The following PDE4D variants were observed in gnomAD, a reference collection of about 807,000 sequenced individuals.
PDE4D encodes 3',5'-cyclic-AMP phosphodiesterase 4D.
In PDE4D, 24 loss-of-function variants were observed where a neutral mutation model predicts 87.4. The ratio of observed to expected loss-of-function variants is 0.27; its 90% CI spans 0.20 to 0.39. The LOEUF (loss-of-function observed/expected upper bound fraction) is 0.39, where lower values mean the gene tolerates loss of function less well. Ranked by LOEUF, PDE4D falls within the 10% of genes least tolerant of loss-of-function variation. The pLI, the probability that PDE4D is intolerant of heterozygous loss-of-function variation, is 1.00. For missense variants in PDE4D, 714 were observed against 1,041.0 expected (o/e 0.69, Z 4.32); for synonymous variants, 384 against 383.2 (o/e 1.00, Z -0.02).
intron 2 of PDE4D, among the ~76,000 whole-genome samples, chr5:60,153,015 G>A (rs955560110): frequency 2.0e-5 from 3 of 152,138 alleles, no homozygotes; most frequent in African/African-American, 4.8e-5. Context: ...CAACAAAAGT[G>A]AAACTAGACA....
chr5:60,109,553 C>T (rs1017355069), intron 2 of PDE4D, among the ~76,000 whole-genome samples: 19 of 151,766 alleles, frequency 1.3e-4, no homozygotes, highest in Non-Finnish European at 2.2e-4. Context: ...TATAAAGACA[C>T]ATGCACACGT....
At position 59,134,751 on chromosome 5, in the gene PDE4D, A is replaced by G. The variant is rs546670100; in HGVS notation, c.808+45844T>C. ...AGCTCTGATTCATTCCACATTATATATATGACCCTTTCTCATAGTGAGGGT... is the reference window on the plus strand; with the variant it reads ...AGCTCTGATTCATTCCACATTATATGTATGACCCTTTCTCATAGTGAGGGT... On this transcript the variant is annotated intron_variant, in intron 5 of 14. Coordinates refer to ENST00000340635, the MANE Select transcript of PDE4D (RefSeq NM_001104631.2). 2.6e-5 allele frequency among the ~76,000 whole-genome samples: 4 copies of G among 152,292 alleles called. No individual in the cohort carries two copies. In the East Asian group the frequency reaches 5.8e-4, roughly 22 times the overall value.
intron 1 of PDE4D, among the ~76,000 whole-genome samples, chr5:59,783,470 G>A (rs1320900474): frequency 1.3e-5 from 2 of 152,186 alleles, no homozygotes; most frequent in Non-Finnish European, 2.9e-5. Flanking sequence ...CTGTGAGGAA[G>A]CACAGTCCCT....
intron 1 of PDE4D, among the ~76,000 whole-genome samples, chr5:59,591,786 C>T (rs1348142166): frequency 1.3e-5 from 2 of 152,044 alleles, no homozygotes; most frequent in Non-Finnish European, 2.9e-5. Context: ...CATACAAAAA[C>T]TTCTATGTAC....
intron 1 of PDE4D, among the ~76,000 whole-genome samples, chr5:59,742,253 G>A (rs1319834077): frequency 2.6e-5 from 4 of 152,062 alleles, no homozygotes; most frequent in Non-Finnish European, 5.9e-5. Flanking sequence ...TAGTAGAGAC[G>A]GGGTTTCACC....
intron 1 of PDE4D, among the ~76,000 whole-genome samples, chr5:59,369,313 A>G (rs970215352): frequency 4.6e-5 from 7 of 152,114 alleles, no homozygotes; most frequent in African/African-American, 7.2e-5. Context: ...TCCCAACTGT[A>G]TCTCCATCCC....
chr5:59,835,198 T>C (rs1741832324), intron 1 of PDE4D, among the ~76,000 whole-genome samples: 1 of 152,076 alleles, frequency 6.6e-6, no homozygotes, highest in South Asian at 2.1e-4. Flanking sequence ...TGATCTTTAA[T>C]TTCCTTATTT....
chr5:59,697,977 C>T, intron 1 of PDE4D, among the ~76,000 whole-genome samples: 1 of 152,102 alleles, frequency 6.6e-6, no homozygotes, highest in African/African-American at 2.4e-5. Context: ...GCATTGTGAA[C>T]ATGAAAATGA....
intron 1 of PDE4D, among the ~76,000 whole-genome samples, chr5:59,565,993 G>A (rs996426818): frequency 1.1e-4 from 16 of 152,130 alleles, no homozygotes; most frequent in African/African-American, 3.6e-4. Context: ...AAAAAGAAAT[G>A]TGAAAATAAA....
At chr5:59,049,348 G>A (rs1010168903) in intron 5 of PDE4D, among the ~76,000 whole-genome samples, 11 of 152,124 alleles carry the variant, frequency 7.2e-5, no homozygotes, top group African/African-American at 2.7e-4. Flanking sequence ...TACTGGCCTG[G>A]GTGTGGCTTC....
At chr5:60,204,176 G>C (rs1742238286) in intron 1 of PDE4D, among the ~76,000 whole-genome samples, 1 of 152,012 alleles carries the variant, frequency 6.6e-6, no homozygotes, top group African/African-American at 2.4e-5. Context: ...TCTTTTATCT[G>C]TCTGTCTGTC....
chr5:60,143,289 C>T (rs1780697080), intron 2 of PDE4D, among the ~76,000 whole-genome samples: 1 of 152,192 alleles, frequency 6.6e-6, no homozygotes, highest in African/African-American at 2.4e-5. Context: ...GTGCAACATG[C>T]TTCACATTAC....
In PDE4D at chr5:59,173,029, G is replaced by A. The variant is rs954665273; in HGVS notation, c.808+7566C>T. 9 of 152,232 alleles carry A rather than the reference G, an allele frequency of 5.9e-5. 1 individual carries two copies. The highest frequency in any genetic ancestry group is 5.9e-4 in the Admixed American group (9 of 15,274). 9.4% of individuals were successfully genotyped at this position (152,232 alleles called of 1,614,324 possible). On this transcript the variant is annotated intron_variant, in intron 5 of 14. Coordinates refer to ENST00000340635, the MANE Select transcript of PDE4D (RefSeq NM_001104631.2). Reference sequence around the variant, plus strand: ...TACCCCCAAAACTTGGAGAATTTAAGTACATTGACCAAAATTAGACAACTA... The same window carrying A: ...TACCCCCAAAACTTGGAGAATTTAAATACATTGACCAAAATTAGACAACTA...
chr5:60,312,786 C>T (rs1283695704), intron 1 of PDE4D, among the ~76,000 whole-genome samples: 3 of 152,108 alleles, frequency 2.0e-5, no homozygotes, highest in African/African-American at 7.2e-5. Context: ...CAAAACCATA[C>T]AATTACATGA....
At chr5:59,642,442 C>T (rs926383446) in intron 1 of PDE4D, among the ~76,000 whole-genome samples, 3 of 152,132 alleles carry the variant, frequency 2.0e-5, no homozygotes, top group African/African-American at 7.2e-5. Context: ...CCCATAATTT[C>T]CATGTGTTGT....
intron 1 of PDE4D, among the ~76,000 whole-genome samples, chr5:59,422,363 A>T (rs182791108): frequency 2.0e-5 from 3 of 152,278 alleles, no homozygotes; most frequent in Admixed American, 2.0e-4. Context: ...GCAATATGAA[A>T]CACAACATTA....
intron 1 of PDE4D, among the ~76,000 whole-genome samples, chr5:59,547,512 CT>C (rs200950190): frequency 1.3e-5 from 2 of 152,084 alleles, no homozygotes; most frequent in Non-Finnish European, 2.9e-5. Flanking sequence ...TAAACGTTCA[CT>C]TTTTTCACAG....
intron 1 of PDE4D, chr5:59,558,636 C>T (rs1322237068): frequency 1.3e-5 from 2 of 151,922 alleles, no homozygotes; most frequent in Non-Finnish European, 2.9e-5. Flanking sequence ...AAAGAGAAAA[C>T]TGAAGGTGTT....
At chr5:59,354,918 C>T (rs1233529467) in intron 1 of PDE4D, among the ~76,000 whole-genome samples, 2 of 152,110 alleles carry the variant, frequency 1.3e-5, no homozygotes, top group Non-Finnish European at 1.5e-5. Context: ...ACAGTGAAAG[C>T]AGCACATATA....
Sources: allele counts gnomAD v4.1 joint callset (sites outside exome capture counted in the v4.1 genomes callset), GRCh38; gene constraint gnomAD v4.1.1; transcripts MANE v1.5; gene names NCBI Gene and HGNC (gene_info 2026-07-23, HGNC 2026-07-21).